Variants in RARB observed in about 807,000 individuals in gnomAD.
RARB encodes the protein HBV-activated protein.
A neutral mutation model predicts 51.9 loss-of-function variants in RARB; 17 were observed. The ratio of observed to expected loss-of-function variants is 0.33; its 90% CI spans 0.22 to 0.49. The LOEUF (loss-of-function observed/expected upper bound fraction) is 0.49. Ranked by LOEUF, RARB falls within the 20% of genes least tolerant of loss-of-function variation. RARB has a pLI of 0.99. For synonymous variants in RARB, 215 were observed against 195.4 expected (o/e 1.10, Z -0.84); for missense variants, 369 against 550.8 (o/e 0.67, Z 3.30).
intron 5 of RARB, among the ~76,000 whole-genome samples, chr3:25,253,737 A>T (rs1702788251): frequency 6.6e-6 from 1 of 152,196 alleles, no homozygotes; most frequent in Non-Finnish European, 1.5e-5. Context: ...ATTCATTTGT[A>T]TATGAGTTAT....
chr3:25,485,792 G>T (rs1367760817), intron 2 of RARB, among the ~76,000 whole-genome samples: 1 of 152,060 alleles, frequency 6.6e-6, no homozygotes, highest in African/African-American at 2.4e-5. Flanking sequence ...GGTTCCCTTC[G>T]GGAACAGAGG....
chr3:25,259,450 T>A (rs1702944994), intron 5 of RARB, among the ~76,000 whole-genome samples: 1 of 152,174 alleles, frequency 6.6e-6, no homozygotes, highest in Non-Finnish European at 1.5e-5. Context: ...ATCTTCTGTA[T>A]AATTCTCCAT....
intron 4 of RARB, among the ~76,000 whole-genome samples, chr3:25,138,248 T>A (rs1357907933): frequency 6.6e-6 from 1 of 152,034 alleles, no homozygotes; most frequent in Non-Finnish European, 1.5e-5. Flanking sequence ...AAAACAGATA[T>A]ATCCATGAAG....
chr3:25,175,643 G>A (rs1002278544), intron 5 of RARB, among the ~76,000 whole-genome samples: 3 of 152,168 alleles, frequency 2.0e-5, no homozygotes, highest in Admixed American at 6.5e-5. Flanking sequence ...TTGGATGGAC[G>A]AACAGACTGA....
At chr3:25,068,000 A>G (rs978481294) in intron 3 of RARB, among the ~76,000 whole-genome samples, 1 of 151,640 alleles carries the variant, frequency 6.6e-6, no homozygotes, top group East Asian at 1.9e-4. Context: ...AGCTGCACAC[A>G]GTGCCGCACA....
chr3:24,935,239 AT>A (rs1695525304), intron 2 of RARB, among the ~76,000 whole-genome samples: 1 of 152,144 alleles, frequency 6.6e-6, no homozygotes, highest in Non-Finnish European at 1.5e-5. Context: ...GAACAAAGGC[AT>A]TATGTCATCC....
chr3:25,245,591 G>A (rs754761528), intron 5 of RARB, among the ~76,000 whole-genome samples: 2 of 152,098 alleles, frequency 1.3e-5, no homozygotes, highest in Non-Finnish European at 2.9e-5. Context: ...TGAAATTCTG[G>A]ATTGAAAATT....
At chr3:25,120,588 T>C (rs1042907151) in intron 3 of RARB, among the ~76,000 whole-genome samples, 2 of 150,556 alleles carry the variant, frequency 1.3e-5, no homozygotes, top group East Asian at 3.9e-4. Context: ...AGTATAATTT[T>C]CTGAATGTGC....
intron 2 of RARB, among the ~76,000 whole-genome samples, chr3:24,975,253 G>T (rs141022701): frequency 3.5e-4 from 54 of 152,160 alleles, no homozygotes; most frequent in African/African-American, 1.3e-3. Context: ...CCTAATGTTA[G>T]TTGCTCAATA....
chr3:25,249,203 T>C (rs73149287), intron 5 of RARB, among the ~76,000 whole-genome samples: 1,864 of 152,240 alleles, frequency 0.012, 34 homozygotes, highest in African/African-American at 0.043. Flanking sequence ...TTTTTTCTCC[T>C]TGATCTAGTC....
intron 5 of RARB, among the ~76,000 whole-genome samples, chr3:25,246,956 G>C (rs1702577320): frequency 6.6e-6 from 1 of 152,232 alleles, no homozygotes. Context: ...GTCCCAGGGA[G>C]AGGGGAGTTT....
rs1424636183 is a variant in RARB, at chr3:25,364,940, G to GATAATGAT, written c.179-96252_179-96251insTAATGATA. On this transcript the variant is annotated intron_variant, in intron 5 of 11. Transcript: ENST00000383772. ...GTTTATTAACTTCCCTTACACTTCT[G>GATAATGAT]ACATATCTCAGTTGTATCATTATCC... Among the ~76,000 whole-genome samples the GATAATGAT allele has an allele frequency of 7.2e-4, 110 of 152,114 alleles. 1 individual carries two copies. The highest frequency in any genetic ancestry group is 2.4e-3 in the African/African-American group (101 of 41,500).
In RARB at chr3:25,214,427, A is replaced by G. The variant is rs567995836; in HGVS notation, c.178+39852A>G. On this transcript the variant is annotated intron_variant, in intron 5 of 11. Transcript: ENST00000383772. ...TATTTCAGCCACACACCGGGAGACAATATCTGAGGTAGGTGGGTTCAGTAG... is the reference window on the plus strand; with the variant it reads ...TATTTCAGCCACACACCGGGAGACAGTATCTGAGGTAGGTGGGTTCAGTAG... Among the ~76,000 whole-genome samples the G allele has an allele frequency of 2.6e-5, 4 of 152,364 alleles. No individual in the cohort carries two copies. In the East Asian group the frequency reaches 7.7e-4, roughly 29 times the overall value.
At chr3:24,966,595 G>T (rs992562896) in intron 2 of RARB, among the ~76,000 whole-genome samples, 5 of 140,188 alleles carry the variant, frequency 3.6e-5, no homozygotes, top group African/African-American at 8.2e-5. Context: ...GTCTGACCTT[G>T]GTTTACATTC....
chr3:24,987,132 T>G (rs1477458502), intron 2 of RARB, among the ~76,000 whole-genome samples: 1 of 152,224 alleles, frequency 6.6e-6, no homozygotes, highest in Non-Finnish European at 1.5e-5. Flanking sequence ...CTTTGACCAG[T>G]GAGTGGAGTA....
At chr3:25,377,016 AGTTTGTTT>A (rs796685269) in intron 5 of RARB, among the ~76,000 whole-genome samples, 16 of 151,692 alleles carry the variant, frequency 1.1e-4, no homozygotes, top group African/African-American at 3.9e-4. Flanking sequence ...GTATTAGTTT[AGTTTGTTT>A]GTTTGTTTGT....
chr3:25,045,139 C>G (rs550232658), intron 2 of RARB, among the ~76,000 whole-genome samples: 1 of 152,258 alleles, frequency 6.6e-6, no homozygotes, highest in African/African-American at 2.4e-5. Context: ...AAATGACTGG[C>G]CTAACAGCTG....
At chr3:25,585,865 C>T (rs78099871) in intron 5 of RARB, among the ~76,000 whole-genome samples, 1 of 152,166 alleles carries the variant, frequency 6.6e-6, no homozygotes, top group Non-Finnish European at 1.5e-5. Flanking sequence ...AACAGTGGAG[C>T]CAGATGTTGA....
chr3:25,483,987 G>T (rs747764647), intron 2 of RARB, among the ~76,000 whole-genome samples: 1 of 152,148 alleles, frequency 6.6e-6, no homozygotes, highest in Non-Finnish European at 1.5e-5. Context: ...ATTGCAGATG[G>T]TATGTTGGCA....
Sources: gnomAD v4.1 joint callset for allele counts (sites outside exome capture counted in the v4.1 genomes callset) on GRCh38, gnomAD v4.1.1 for gene constraint, MANE v1.5 for transcripts, NCBI Gene and HGNC (gene_info 2026-07-23, HGNC 2026-07-21) for gene names.